The following EIF4E3 variants were observed in gnomAD, a reference collection of about 807,000 sequenced individuals.
The protein encoded by EIF4E3 is eukaryotic translation initiation factor 4E type 3.
EIF4E3 carries 26 observed loss-of-function variants against 31.7 expected under a neutral mutation model. The observed-to-expected ratio is 0.82, with a 90% CI of 0.60 to 1.14. EIF4E3 has a LOEUF of 1.14. EIF4E3 is among the 50% of genes most tolerant of loss of function. EIF4E3 has a pLI of 0.00. For missense variants in EIF4E3, 304 were observed against 270.9 expected (o/e 1.12, Z -0.86); for synonymous variants, 128 against 107.7 (o/e 1.19, Z -1.17).
chr3:71,753,942 G>C, upstream of EIF4E3: 4 of 1,015,414 alleles, frequency 3.9e-6, no homozygotes, highest in Non-Finnish European at 3.5e-6. Context: ...GCAGGACGGG[G>C]AGCTCGCCCA....
intron 1 of EIF4E3, among the ~76,000 whole-genome samples, chr3:71,723,181 T>C (rs1277464109): frequency 4.6e-5 from 7 of 152,208 alleles, no homozygotes; most frequent in Non-Finnish European, 8.8e-5. Flanking sequence ...GTCTCTAGAA[T>C]GTTGTTTACC....
chr3:71,735,597 G>T (rs2049754668), intron 1 of EIF4E3, among the ~76,000 whole-genome samples: 2 of 152,236 alleles, frequency 1.3e-5, no homozygotes, highest in South Asian at 4.1e-4. Context: ...ACGCAATACT[G>T]TGCTAAGCAG....
intron 1 of EIF4E3, among the ~76,000 whole-genome samples, chr3:71,747,087 A>C (rs2049881408): frequency 6.6e-6 from 1 of 152,216 alleles, no homozygotes; most frequent in African/African-American, 2.4e-5. Context: ...CGATGTTATG[A>C]ACATTTACAT....
intron 1 of EIF4E3, among the ~76,000 whole-genome samples, chr3:71,715,348 GA>G (rs2049449008): frequency 6.6e-6 from 1 of 152,212 alleles, no homozygotes; most frequent in African/African-American, 2.4e-5. Flanking sequence ...GGCCACTGGG[GA>G]TACAATGGTG....
intron 4 of EIF4E3, among the ~76,000 whole-genome samples, chr3:71,694,204 A>C (rs866980850): frequency 4.6e-5 from 7 of 152,262 alleles, no homozygotes. Flanking sequence ...ACCCCTGGTG[A>C]AATTCAGAAG....
rs771627986 is a variant in EIF4E3 at position 71,725,158 on chromosome 3, G to C, written c.176+34C>G. On this transcript the variant is annotated intron_variant, in intron 1 of 6. Transcript: ENST00000425534. This position sits in a 1 kb window ranked among gnomAD's most constrained non-coding sequence, Gnocchi z 6.1. The stretch of plus-strand genomic sequence containing the variant: ...CGGCGGTGGCGGCAGGACCCGGGTC[G>C]GGGCCGTGCGCGGCGGGCCCCGCGC... The C allele has an allele frequency of 2.8e-6, 3 of 1,064,362 alleles. No homozygotes were observed. Among genetic ancestry groups the C allele is most frequent in the South Asian group, 3.6e-5 (1 of 27,562 alleles). The allele number at this position is 1,064,362 out of a possible 1,614,324, so 65.9% of individuals were successfully genotyped here.
Position 71,681,267 on chromosome 3 carries a change from A to G in EIF4E3, c.*3415T>C, listed in dbSNP as rs1282782676. 1.3e-5 allele frequency: 2 copies of G among 152,258 alleles called. No individual in the cohort carries two copies. The highest frequency in any genetic ancestry group is 4.8e-5 in the African/African-American group (2 of 41,470). The allele number at this position is 152,258 out of a possible 1,614,324, so 9.4% of individuals were successfully genotyped here. On this transcript the variant is annotated 3_prime_UTR_variant, in exon 7 of 7. Transcript: ENST00000425534. Reference sequence around the variant, plus strand: ...TGCAGTAGGATCTTAAAAAAATTCTACAAACATAGCTGGATAAATTCTGCT... The same window carrying G: ...TGCAGTAGGATCTTAAAAAAATTCTGCAAACATAGCTGGATAAATTCTGCT...
intron 1 of EIF4E3, among the ~76,000 whole-genome samples, chr3:71,713,578 A>C (rs1489759681): frequency 1.3e-5 from 2 of 152,122 alleles, no homozygotes; most frequent in Admixed American, 1.3e-4. Context: ...CTGGGACTAC[A>C]GGTGCATGTC....
intron 1 of EIF4E3, among the ~76,000 whole-genome samples, chr3:71,752,134 A>G (rs989361331): frequency 6.6e-6 from 1 of 152,204 alleles, no homozygotes; most frequent in African/African-American, 2.4e-5. Context: ...ACTGTCCCCA[A>G]GGGCCTTACT....
the EIF4E3 span, among the ~76,000 whole-genome samples, chr3:71,662,997 C>T: frequency 1.6e-4 from 24 of 152,260 alleles, 1 homozygote; most frequent in South Asian, 6.2e-4. Context: ...CAGCTTACCT[C>T]CAGTGTTTAC....
chr3:71,743,198 A>G (rs79697065), intron 1 of EIF4E3, among the ~76,000 whole-genome samples: 156 of 152,304 alleles, frequency 1.0e-3, no homozygotes, highest in African/African-American at 3.7e-3. Context: ...AAAAAACGGT[A>G]ACATTGTCTA....
chr3:71,674,463 G>T (rs982744147), downstream of EIF4E3, among the ~76,000 whole-genome samples: 11 of 152,232 alleles, frequency 7.2e-5, no homozygotes, highest in East Asian at 5.8e-4. Flanking sequence ...TAATTGGAAA[G>T]TTCATTTCGG....
chr3:71,688,012 C>T (rs989973132), intron 6 of EIF4E3, among the ~76,000 whole-genome samples: 16 of 138,318 alleles, frequency 1.2e-4, no homozygotes, highest in African/African-American at 4.3e-4. Flanking sequence ...AAGAAAACTG[C>T]TTGTTTTTTT....
At chr3:71,751,239 A>G (rs1164979148) in intron 1 of EIF4E3, among the ~76,000 whole-genome samples, 1 of 152,072 alleles carries the variant, frequency 6.6e-6, no homozygotes, top group African/African-American at 2.4e-5. Context: ...TTCAAAATAA[A>G]TAAAGTCAGA....
chr3:71,748,854 A>C (rs1156469921), intron 1 of EIF4E3, among the ~76,000 whole-genome samples: 2 of 152,306 alleles, frequency 1.3e-5, no homozygotes, highest in African/African-American at 4.8e-5. Flanking sequence ...CCAGCAAGAC[A>C]AAATGGCAAC....
In EIF4E3 at chr3:71,705,659, G is replaced by A. The variant is rs565492451; in HGVS notation, c.249+4753C>T. 7.9e-4 allele frequency among the ~76,000 whole-genome samples: 121 copies of A among 152,330 alleles called. 1 individual carries two copies. Among genetic ancestry groups the A allele is most frequent in the African/African-American group, 2.7e-3 (111 of 41,580 alleles). On this transcript the variant is annotated intron_variant, in intron 2 of 6. Coordinates refer to ENST00000425534, the MANE Select transcript of EIF4E3 (RefSeq NM_001134651.2). ...GTGCTGTACAGGAATGAGTTTTCAG[G>A]GGTGGAATTTTTAGTCTTGTAGCAG...
chr3:71,725,633 G>A (rs1457293242), upstream of EIF4E3, among the ~76,000 whole-genome samples: 1 of 152,000 alleles, frequency 6.6e-6, no homozygotes, highest in Admixed American at 6.5e-5. The surrounding 1 kb of genome is among the most constrained non-coding windows in gnomAD (Gnocchi z 6.1). Flanking sequence ...CGCGGGCCCA[G>A]CGTGGGAGAC....
intron 1 of EIF4E3, among the ~76,000 whole-genome samples, chr3:71,748,286 C>T (rs1299879951): frequency 1.3e-5 from 2 of 152,054 alleles, no homozygotes; most frequent in Non-Finnish European, 2.9e-5. Context: ...GAGCTGACTT[C>T]TCATATATAT....
intron 5 of EIF4E3, among the ~76,000 whole-genome samples, chr3:71,691,772 T>C (rs1259043162): frequency 6.6e-6 from 1 of 152,232 alleles, no homozygotes; most frequent in Non-Finnish European, 1.5e-5. Flanking sequence ...TATTATCCCA[T>C]CAAGAAAATA....
Sources: gnomAD v4.1 joint callset for allele counts (sites outside exome capture counted in the v4.1 genomes callset) on GRCh38, gnomAD v4.1.1 for gene constraint, Gnocchi (gnomAD v3.1) non-coding constraint, MANE v1.5 for transcripts, NCBI Gene and HGNC (gene_info 2026-07-23, HGNC 2026-07-21) for gene names.